SLC31A1: variants seen among roughly 807,000 people sequenced by gnomAD.
SLC31A1 encodes the protein high affinity copper uptake protein 1.
A neutral mutation model predicts 17.2 loss-of-function variants in SLC31A1; 5 were observed. The ratio of observed to expected loss-of-function variants is 0.29; its 90% CI spans 0.15 to 0.61. SLC31A1 has a LOEUF of 0.61. Ranked by LOEUF, SLC31A1 falls within the 20% of genes least tolerant of loss-of-function variation. The pLI is 0.86. For synonymous variants in SLC31A1, 76 were observed against 78.8 expected (o/e 0.96, Z 0.19); for missense variants, 161 against 241.4 (o/e 0.67, Z 2.21).
At chr9:113,244,341 CAGTT>C (rs926721168) in intron 1 of SLC31A1, among the ~76,000 whole-genome samples, 10 of 152,064 alleles carry the variant, frequency 6.6e-5, no homozygotes, top group Admixed American at 3.9e-4. Context: ...ATGTCTCTGA[CAGTT>C]GGTTACTTTT....
At chr9:113,248,628 C>G (rs1831611842) in intron 1 of SLC31A1, among the ~76,000 whole-genome samples, 4 of 151,668 alleles carry the variant, frequency 2.6e-5, no homozygotes. Context: ...GCCACCACAC[C>G]CGGCTAATTT....
In SLC31A1 at chr9:113,258,584, C is replaced by T; in HGVS notation, c.203-110C>T. On this transcript the variant is annotated intron_variant, in intron 3 of 4. Coordinates refer to ENST00000374212, the MANE Select transcript of SLC31A1 (RefSeq NM_001859.4). The surrounding 1 kb of genome is among the most constrained non-coding windows in gnomAD (Gnocchi z 4.8). ...AGAAGAGGTAAAAATATAATGTCTT[C>T]AAAAGCTGAGAGTAGCATTTTTTCT... 3.3e-6 allele frequency: 4 copies of T among 1,208,226 alleles called. No individual in the cohort carries two copies. Among genetic ancestry groups the T allele is most frequent in the East Asian group, 2.3e-5 (1 of 42,952 alleles). 74.8% of individuals were successfully genotyped at this position (1,208,226 alleles called of 1,614,324 possible).
chr9:113,240,358 A>G (rs893277870), intron 1 of SLC31A1, among the ~76,000 whole-genome samples: 2 of 152,224 alleles, frequency 1.3e-5, no homozygotes, highest in Admixed American at 6.5e-5. Flanking sequence ...TTTTGAATGA[A>G]TGAATATTTG....
intron 1 of SLC31A1, among the ~76,000 whole-genome samples, chr9:113,225,514 G>C (rs996368515): frequency 2.6e-5 from 4 of 152,168 alleles, no homozygotes; most frequent in African/African-American, 9.7e-5. Context: ...TAGAACATGA[G>C]GTTGTTGTGA....
In SLC31A1 at chr9:113,251,488, T is replaced by C. The variant is rs77569362; in HGVS notation, c.-35-4626T>C. 6.5e-4 allele frequency among the ~76,000 whole-genome samples: 99 copies of C among 152,114 alleles called. 1 individual carries two copies. The highest frequency in any genetic ancestry group is 2.4e-3 in the African/African-American group (98 of 41,488). The stretch of plus-strand genomic sequence containing the variant: ...ATGACCCTGGATTTTAACTTATTGT[T>C]ACATGAGTACCCATTTTTATTTTGG... On this transcript the variant is annotated intron_variant, in intron 1 of 4. Coordinates refer to ENST00000374212, the MANE Select transcript of SLC31A1 (RefSeq NM_001859.4).
At chr9:113,257,615 A>G (rs1001397335) in intron 3 of SLC31A1, among the ~76,000 whole-genome samples, 1 of 150,454 alleles carries the variant, frequency 6.6e-6, no homozygotes. Context: ...CCTCCTGAGT[A>G]GCTGGAGTTA....
At chr9:113,253,744 G>A (rs1831688375) in intron 1 of SLC31A1, among the ~76,000 whole-genome samples, 1 of 151,530 alleles carries the variant, frequency 6.6e-6, no homozygotes, top group Non-Finnish European at 1.5e-5. Context: ...AGTAAAGACG[G>A]GGTTTCACTG....
chr9:113,263,329 A>G lies in SLC31A1; in HGVS notation c.*2856A>G, dbSNP rs923364015. ...GGCTGCCAAAGGATGAAGCTAGTGA[A>G]GGAGAAAAAGCTTAAATTCCATCTT... is the stretch of plus-strand genomic sequence containing the variant. On this transcript the variant is annotated 3_prime_UTR_variant, in exon 5 of 5. Coordinates refer to ENST00000374212, the MANE Select transcript of SLC31A1 (RefSeq NM_001859.4). The G allele has an allele frequency of 2.6e-5, 4 of 152,254 alleles. No individual in the cohort carries two copies. Among genetic ancestry groups the G allele is most frequent in the African/African-American group, 9.7e-5 (4 of 41,450 alleles). The allele number at this position is 152,254 out of a possible 1,614,324, so 9.4% of individuals were successfully genotyped here. A position where few individuals can be genotyped will look rare whatever the true frequency, so the allele number is the denominator to read the frequency against.
intron 1 of SLC31A1, among the ~76,000 whole-genome samples, chr9:113,239,409 T>C (rs981875208): frequency 6.6e-6 from 1 of 152,240 alleles, no homozygotes; most frequent in African/African-American, 2.4e-5. Context: ...GATGCCATTC[T>C]GGATCCTGGA....
intron 1 of SLC31A1, among the ~76,000 whole-genome samples, chr9:113,223,900 C>G (rs997649142): frequency 6.6e-6 from 1 of 152,172 alleles, no homozygotes. Context: ...CTATAACATT[C>G]CGTTCACTCA....
intron 1 of SLC31A1, among the ~76,000 whole-genome samples, chr9:113,247,704 C>G (rs1330309415): frequency 1.3e-5 from 2 of 152,102 alleles, no homozygotes; most frequent in African/African-American, 4.8e-5. Flanking sequence ...GTTTTGAAAG[C>G]TGTTTGGAAA....
chr9:113,223,133 T>G, intron 1 of SLC31A1: 1 of 340,212 alleles, frequency 2.9e-6, no homozygotes, highest in Non-Finnish European at 6.0e-6. Flanking sequence ...GATTTTATCC[T>G]GGATGTTTAA....
At chr9:113,244,030 C>A (rs1252375150) in intron 1 of SLC31A1, among the ~76,000 whole-genome samples, 2 of 151,814 alleles carry the variant, frequency 1.3e-5, no homozygotes, top group Non-Finnish European at 2.9e-5. Context: ...TGGTGGGCAC[C>A]TGTAATCCCA....
Position 113,260,389 on chromosome 9 carries a change from A to C in SLC31A1, c.489A>C (p.Ala163=), listed in dbSNP as rs749670610. ...CCTACAACGGGTACCTCTGCATTGC[A>C]GTAGCAGCAGGGGCCGGTACAGGAT... is the stretch of plus-strand genomic sequence containing the variant. ...FMTYNGYLCI[A]VAAGAGTGYF... Residue 163 remains alanine (A), a synonymous_variant, in exon 5 of 5, where the codon GCA becomes GCC. Transcript: ENST00000374212. 2.1e-5 allele frequency: 34 copies of C among 1,614,064 alleles called. No homozygotes were observed. Among genetic ancestry groups the C allele is most frequent in the Non-Finnish European group, 2.9e-5 (34 of 1,180,018 alleles).
At chr9:113,228,879 T>G (rs1831371365) in intron 1 of SLC31A1, among the ~76,000 whole-genome samples, 1 of 152,190 alleles carries the variant, frequency 6.6e-6, no homozygotes, top group Non-Finnish European at 1.5e-5. Flanking sequence ...GGAGTTTCGC[T>G]CTTGTTGCCC....
intron 1 of SLC31A1, among the ~76,000 whole-genome samples, chr9:113,239,790 G>A (rs2118995585): frequency 6.6e-6 from 1 of 152,348 alleles, no homozygotes; most frequent in South Asian, 2.1e-4. Context: ...CACCCCGTTG[G>A]CCAGTCTGGT....
At chr9:113,243,879 C>T (rs1398067345) in intron 1 of SLC31A1, among the ~76,000 whole-genome samples, 4 of 152,174 alleles carry the variant, frequency 2.6e-5, no homozygotes, top group East Asian at 1.9e-4. Flanking sequence ...ACTGGCCAAG[C>T]GCAGTGGCTC....
At chr9:113,255,896 C>G (rs1276071401) in intron 1 of SLC31A1, 4 of 283,752 alleles carry the variant, frequency 1.4e-5, no homozygotes, top group African/African-American at 8.8e-5. Context: ...AAGAAACAAG[C>G]CCAGGAGCAG....
At position 113,262,372 on chromosome 9, in the gene SLC31A1, A is replaced by C. The variant is rs1831803624; in HGVS notation, c.*1899A>C. ...TGCAGTCTTATTCCTGGTTCAAACT[A>C]CCTCTTTAAATTGATTTGTCTTGTG... is the stretch of plus-strand genomic sequence containing the variant. On this transcript the variant is annotated 3_prime_UTR_variant, in exon 5 of 5. Transcript: ENST00000374212. 1 of 152,658 alleles carries C rather than the reference A, an allele frequency of 6.6e-6. No individual in the cohort carries two copies. The highest frequency in any genetic ancestry group is 2.1e-4 in the South Asian group (1 of 4,830). The allele number at this position is 152,658 out of a possible 1,614,324, so 9.5% of individuals were successfully genotyped here. A position where few individuals can be genotyped will look rare whatever the true frequency, so the allele number is the denominator to read the frequency against.
Sources: gnomAD v4.1 joint callset for allele counts (sites outside exome capture counted in the v4.1 genomes callset) on GRCh38, gnomAD v4.1.1 for gene constraint, Gnocchi (gnomAD v3.1) non-coding constraint, MANE v1.5 for transcripts, NCBI Gene and HGNC (gene_info 2026-07-23, HGNC 2026-07-21) for gene names.